The following TANGO6 variants were observed in gnomAD, a reference collection of about 807,000 sequenced individuals.
The protein encoded by TANGO6 is transport and golgi organization 6 homolog.
A neutral mutation model predicts 114.2 loss-of-function variants in TANGO6; 90 were observed. That is an observed-to-expected ratio of 0.79 (90% CI 0.66 to 0.94). TANGO6 has a LOEUF of 0.94. TANGO6 is among the 40% of genes least tolerant of loss of function. TANGO6 has a pLI of 0.00. For synonymous variants in TANGO6, 477 were observed against 509.8 expected (o/e 0.94, Z 0.87); for missense variants, 1,274 against 1,315.3 (o/e 0.97, Z 0.49).
At chr16:68,946,100 T>A (rs144172927) in intron 14 of TANGO6, among the ~76,000 whole-genome samples, 1 of 152,188 alleles carries the variant, frequency 6.6e-6, no homozygotes, top group African/African-American at 2.4e-5. Flanking sequence ...TTTTCTGCCA[T>A]CCTGTGGATT....
chr16:68,865,753 C>CAAAAAAA (rs367608096), intron 3 of TANGO6, among the ~76,000 whole-genome samples: 35 of 115,036 alleles, frequency 3.0e-4, no homozygotes, highest in African/African-American at 8.9e-4. Context: ...ACTAAAAATA[C>CAAAAAAA]AAAAAAAAAA....
Position 69,024,171 on chromosome 16 carries a change from G to A in TANGO6, c.2994+1192G>A, listed in dbSNP as rs543991178. On this transcript the variant is annotated intron_variant, in intron 16 of 17. Transcript: ENST00000261778. ...CCTGCCTCAGCCTCCCAAAGTGTTA[G>A]GATTACAGGCGTGAGCCACCACACC... Among the ~76,000 whole-genome samples, 4 of 152,164 alleles carry A rather than the reference G, an allele frequency of 2.6e-5. 1 individual carries two copies. The South Asian group carries it at 8.3e-4, about 32-fold the overall frequency.
rs748796297 is a variant in TANGO6 at position 68,900,562 on chromosome 16, AC to A, written c.1490+19del. 2 of 1,560,528 alleles carry A rather than the reference AC, an allele frequency of 1.3e-6. No homozygotes were observed. Among genetic ancestry groups the A allele is most frequent in the South Asian group, 2.3e-5 (2 of 86,078 alleles). On this transcript the variant is annotated intron_variant, in intron 8 of 17. Coordinates refer to ENST00000261778, the MANE Select transcript of TANGO6 (RefSeq NM_024562.2). ...CTCACATAAGGTAAACAATCAAGGG[AC>A]CCTTATTTGTTTATAAATTGTGACG... is the stretch of plus-strand genomic sequence containing the variant.
intron 17 of TANGO6, among the ~76,000 whole-genome samples, chr16:69,067,537 A>AAAAAAAAAAAAAAG (rs1960233882): frequency 4.0e-5 from 6 of 148,278 alleles, no homozygotes; most frequent in African/African-American, 5.0e-5. Context: ...AAAAAAAAAA[A>AAAAAAAAAAAAAAG]CGCTGGGCGC....
chr16:68,977,464 C>T (rs760235270), intron 15 of TANGO6, among the ~76,000 whole-genome samples: 10 of 150,986 alleles, frequency 6.6e-5, no homozygotes, highest in East Asian at 2.0e-4. Context: ...GAGGCCAAGG[C>T]GGGCGGATCA....
Position 69,046,144 on chromosome 16 carries a change from A to G in TANGO6, c.3108+5723A>G, listed in dbSNP as rs558803054. ...GAGAACAGGATTCAGAGTCAAAATA[A>G]CTTAACATTCATAATGTCCAGGATA... is the stretch of plus-strand genomic sequence containing the variant. On this transcript the variant is annotated intron_variant, in intron 17 of 17. Transcript: ENST00000261778. 2.6e-5 allele frequency among the ~76,000 whole-genome samples: 4 copies of G among 152,144 alleles called. No homozygotes were observed. In the South Asian group the frequency reaches 8.3e-4, roughly 32 times the overall value.
chr16:68,979,111 G>A (rs1963796511), intron 15 of TANGO6, among the ~76,000 whole-genome samples: 1 of 151,650 alleles, frequency 6.6e-6, no homozygotes, highest in Non-Finnish European at 1.5e-5. Flanking sequence ...ATAGAGATGG[G>A]GGTCTCGCTG....
At chr16:68,973,219 A>C (rs929150100) in intron 14 of TANGO6, 3 of 449,486 alleles carry the variant, frequency 6.7e-6, no homozygotes, top group African/African-American at 6.0e-5. Flanking sequence ...TGCTTGGGGT[A>C]GAAGTGGGTT....
chr16:69,003,074 C>T (rs535035564), intron 15 of TANGO6, among the ~76,000 whole-genome samples: 3 of 151,912 alleles, frequency 2.0e-5, no homozygotes, highest in Admixed American at 2.0e-4. Flanking sequence ...AATCTTTTAT[C>T]ATTAAACTTT....
chr16:68,909,467 G>A (rs747677078), intron 11 of TANGO6, 65 bp downstream of exon 11: 3 of 1,382,910 alleles, frequency 2.2e-6, no homozygotes, highest in Non-Finnish European at 2.8e-6. Context: ...GTTTAAAAAT[G>A]TTGCTGAGAG....
At chr16:68,950,225 A>G (rs974501899) in intron 14 of TANGO6, among the ~76,000 whole-genome samples, 1 of 152,170 alleles carries the variant, frequency 6.6e-6, no homozygotes, top group Admixed American at 6.5e-5. Context: ...AGTGGGGATT[A>G]TTGCACAGCC....
At chr16:68,864,111 T>C (rs1962141695) in intron 3 of TANGO6, among the ~76,000 whole-genome samples, 1 of 151,724 alleles carries the variant, frequency 6.6e-6, no homozygotes, top group Admixed American at 6.6e-5. Flanking sequence ...GAGGCAGAGG[T>C]TGCAGCGAGA....
At chr16:69,075,032 G>T (rs2152244086) in intron 17 of TANGO6, among the ~76,000 whole-genome samples, 1 of 151,924 alleles carries the variant, frequency 6.6e-6, no homozygotes, top group East Asian at 1.9e-4. Flanking sequence ...AGTAGAGACG[G>T]GGTTTCGCCA....
chr16:68,866,931 A>G, intron 3 of TANGO6, 148 bp from the exon 4 acceptor site: 6 of 807,026 alleles, frequency 7.4e-6, no homozygotes, highest in Non-Finnish European at 1.1e-5. Flanking sequence ...GTGAAACTCC[A>G]TCTCTAAATA....
At chr16:69,026,633 TG>T in intron 16 of TANGO6, 1 of 153,712 alleles carries the variant, frequency 6.5e-6, no homozygotes, top group Non-Finnish European at 1.5e-5. Flanking sequence ...GCCTGCTAGC[TG>T]GGGGAAATGG....
chr16:68,902,071 C>T (rs1442623037), intron 8 of TANGO6, among the ~76,000 whole-genome samples: 1 of 146,092 alleles, frequency 6.8e-6, no homozygotes, highest in Non-Finnish European at 1.5e-5. Flanking sequence ...AAAAAAAAAT[C>T]ACGTGGGGCT....
At chr16:68,882,321 C>A (rs1264131901) in intron 7 of TANGO6, among the ~76,000 whole-genome samples, 1 of 151,628 alleles carries the variant, frequency 6.6e-6, no homozygotes, top group African/African-American at 2.4e-5. Context: ...ATGGTGAAAC[C>A]CCGTCTCTAC....
At chr16:69,011,651 T>G (rs1382329437) in intron 15 of TANGO6, among the ~76,000 whole-genome samples, 1 of 152,090 alleles carries the variant, frequency 6.6e-6, no homozygotes, top group African/African-American at 2.4e-5. Flanking sequence ...AGAGACAAGC[T>G]TTCGCCATAT....
intron 14 of TANGO6, among the ~76,000 whole-genome samples, chr16:68,939,741 A>G (rs1406723184): frequency 3.9e-5 from 6 of 152,218 alleles, no homozygotes; most frequent in South Asian, 2.1e-4. Flanking sequence ...ATAAATATGT[A>G]TATGTATATA....
Sources: allele counts gnomAD v4.1 joint callset (sites outside exome capture counted in the v4.1 genomes callset), GRCh38; gene constraint gnomAD v4.1.1; transcripts MANE v1.5; gene names NCBI Gene and HGNC (gene_info 2026-07-23, HGNC 2026-07-21).